SSBP2: variants seen among roughly 807,000 people sequenced by gnomAD.
The protein encoded by SSBP2 is single stranded DNA binding protein 2.
Under a neutral mutation model 61.8 loss-of-function variants are expected in SSBP2, and 17 were observed. That is an observed-to-expected ratio of 0.28 (90% CI 0.19 to 0.41). The LOEUF is 0.41. SSBP2 is among the 10% of genes least tolerant of loss of function. The probability of loss-of-function intolerance (pLI) is 1.00; values close to 1 mark genes in which losing one functional copy is unlikely to be tolerated. For synonymous variants in SSBP2, 139 were observed against 141.3 expected (o/e 0.98, Z 0.12); for missense variants, 310 against 458.7 (o/e 0.68, Z 2.96).
At chr5:81,503,198 T>G (rs957847726) in intron 5 of SSBP2, among the ~76,000 whole-genome samples, 10 of 152,170 alleles carry the variant, frequency 6.6e-5, no homozygotes. Flanking sequence ...CTCATACCTG[T>G]AATTCCAGCA....
chr5:81,696,186 G>T (rs904352221), intron 1 of SSBP2, among the ~76,000 whole-genome samples: 1 of 152,022 alleles, frequency 6.6e-6, no homozygotes, highest in Admixed American at 6.6e-5. Flanking sequence ...CCCCACTCCT[G>T]ACTCCACCCC....
chr5:81,434,977 A>T (rs1250662019), intron 15 of SSBP2, among the ~76,000 whole-genome samples: 1 of 152,150 alleles, frequency 6.6e-6, no homozygotes, highest in Non-Finnish European at 1.5e-5. Flanking sequence ...TAAGAGAAAA[A>T]GTGACTATGG....
intron 4 of SSBP2, among the ~76,000 whole-genome samples, chr5:81,595,217 A>G (rs1327092794): frequency 6.6e-6 from 1 of 152,234 alleles, no homozygotes; most frequent in African/African-American, 2.4e-5. Flanking sequence ...AAACACCTCT[A>G]TGCAAATAAA....
intron 3 of SSBP2, among the ~76,000 whole-genome samples, chr5:81,630,356 C>T (rs1244547909): frequency 6.6e-6 from 1 of 152,122 alleles, no homozygotes; most frequent in Admixed American, 6.6e-5. Context: ...TAGCGAAACA[C>T]AATAATCAGG....
At chr5:81,649,585 C>T (rs1051609631) in intron 2 of SSBP2, among the ~76,000 whole-genome samples, 8 of 152,004 alleles carry the variant, frequency 5.3e-5, no homozygotes, top group Non-Finnish European at 1.0e-4. Flanking sequence ...CACACATGGA[C>T]ATAAACACGG....
chr5:81,679,799 T>C (rs911665554), intron 1 of SSBP2, among the ~76,000 whole-genome samples: 1 of 152,142 alleles, frequency 6.6e-6, no homozygotes, highest in African/African-American at 2.4e-5. Flanking sequence ...GGATTCCAGA[T>C]AGGTGGTAAA....
At chr5:81,508,689 C>T (rs186456054) in intron 5 of SSBP2, among the ~76,000 whole-genome samples, 3 of 152,230 alleles carry the variant, frequency 2.0e-5, no homozygotes, top group Admixed American at 1.3e-4. Flanking sequence ...AGTTTGTGAT[C>T]ATTCCACTTG....
At chr5:81,644,217 T>C (rs1749065094) in intron 2 of SSBP2, among the ~76,000 whole-genome samples, 2 of 152,346 alleles carry the variant, frequency 1.3e-5, no homozygotes, top group African/African-American at 2.4e-5. Context: ...GAAAGAAGTC[T>C]TCCTAAAGAG....
chr5:81,678,396 A>C (rs1013400938), intron 1 of SSBP2, among the ~76,000 whole-genome samples: 2 of 152,162 alleles, frequency 1.3e-5, no homozygotes, highest in Non-Finnish European at 1.5e-5. Context: ...AAAATAAATA[A>C]AAAGAACAGA....
intron 1 of SSBP2, among the ~76,000 whole-genome samples, chr5:81,700,735 T>TA (rs200306077): frequency 0.023 from 3,556 of 152,308 alleles, 146 homozygotes; most frequent in African/African-American, 0.081. Flanking sequence ...ACTTTGCACT[T>TA]TTATATTATG....
At chr5:81,486,351 G>A (rs542047958) in intron 6 of SSBP2, among the ~76,000 whole-genome samples, 4 of 152,088 alleles carry the variant, frequency 2.6e-5, no homozygotes, top group African/African-American at 9.6e-5. Flanking sequence ...TAGTCTCTAC[G>A]GAACCTAGGA....
At chr5:81,532,946 G>A (rs1380478714) in intron 4 of SSBP2, among the ~76,000 whole-genome samples, 1 of 151,922 alleles carries the variant, frequency 6.6e-6, no homozygotes, top group Non-Finnish European at 1.5e-5. Context: ...TATAGGTAGA[G>A]ATTTTAACAT....
At chr5:81,578,581 G>A (rs1310076031) in intron 4 of SSBP2, among the ~76,000 whole-genome samples, 2 of 151,770 alleles carry the variant, frequency 1.3e-5, no homozygotes, top group African/African-American at 2.4e-5. Context: ...AAATGAGTAA[G>A]AGGGAATGCA....
At chr5:81,431,763 T>A (rs1324300057) in intron 15 of SSBP2, among the ~76,000 whole-genome samples, 1 of 152,128 alleles carries the variant, frequency 6.6e-6, no homozygotes, top group African/African-American at 2.4e-5. Flanking sequence ...TTTTAAAATG[T>A]TCTGCAGAGA....
At chr5:81,626,307 T>C (rs2153642921) in intron 3 of SSBP2, among the ~76,000 whole-genome samples, 1 of 152,338 alleles carries the variant, frequency 6.6e-6, no homozygotes, top group East Asian at 1.9e-4. Context: ...GTAAGTACTA[T>C]ACAAGCATCA....
At chr5:81,717,248 C>A (rs1398211770) in intron 1 of SSBP2, among the ~76,000 whole-genome samples, 1 of 152,096 alleles carries the variant, frequency 6.6e-6, no homozygotes, top group South Asian at 2.1e-4. Flanking sequence ...CAAAGAGCAG[C>A]CTTGCTTACT....
chr5:81,444,655 C>T (rs999687464), intron 12 of SSBP2, among the ~76,000 whole-genome samples: 1 of 152,064 alleles, frequency 6.6e-6, no homozygotes. Flanking sequence ...TCTTGGATTG[C>T]TTTTTAAACA....
Position 81,631,441 on chromosome 5 carries a change from C to T in SSBP2, c.197+5116G>A, listed in dbSNP as rs112147007. 6.1e-3 allele frequency among the ~76,000 whole-genome samples: 925 copies of T among 150,724 alleles called. 7 individuals are homozygous for T. Among genetic ancestry groups the T allele is most frequent in the African/African-American group, 0.021 (861 of 41,022 alleles). On this transcript the variant is annotated intron_variant, in intron 3 of 16. Coordinates refer to ENST00000320672, the MANE Select transcript of SSBP2 (RefSeq NM_012446.5). ...AAGATGCTAAGAGACGAGTGTAAACCGTACTGAGTAAGAAATTCTTTTAAT... is the reference window on the plus strand; with the variant it reads ...AAGATGCTAAGAGACGAGTGTAAACTGTACTGAGTAAGAAATTCTTTTAAT...
chr5:81,708,324 G>A (rs1221788037), intron 1 of SSBP2, among the ~76,000 whole-genome samples: 1 of 152,088 alleles, frequency 6.6e-6, no homozygotes, highest in Non-Finnish European at 1.5e-5. Context: ...ACATATCTTT[G>A]TACTGGAGTA....
Sources: allele counts gnomAD v4.1 joint callset (sites outside exome capture counted in the v4.1 genomes callset), GRCh38; gene constraint gnomAD v4.1.1; transcripts MANE v1.5; gene names NCBI Gene and HGNC (gene_info 2026-07-23, HGNC 2026-07-21).